Variants in GPC6 observed in about 807,000 individuals in gnomAD.
The protein encoded by GPC6 is glypican-6.
GPC6 carries 14 observed loss-of-function variants against 55.2 expected under a neutral mutation model. The observed-to-expected ratio is 0.25, with a 90% CI of 0.17 to 0.40. The LOEUF (loss-of-function observed/expected upper bound fraction) is 0.40, where lower values mean the gene tolerates loss of function less well. Ranked by LOEUF, GPC6 falls within the 10% of genes least tolerant of loss-of-function variation. GPC6 has a pLI of 1.00. For missense variants in GPC6, 641 were observed against 708.5 expected (o/e 0.90, Z 1.08); for synonymous variants, 278 against 259.6 (o/e 1.07, Z -0.68).
intron 2 of GPC6, among the ~76,000 whole-genome samples, chr13:93,594,051 G>T (rs1446865984): frequency 6.6e-6 from 1 of 152,014 alleles, no homozygotes; most frequent in Non-Finnish European, 1.5e-5. Flanking sequence ...ATAAGAAATT[G>T]CTCTAAAAAG....
intron 6 of GPC6, among the ~76,000 whole-genome samples, chr13:94,329,852 C>T (rs1197068559): frequency 1.3e-5 from 2 of 152,130 alleles, no homozygotes; most frequent in African/African-American, 4.8e-5. Context: ...AGAAATTTTA[C>T]CCTTTCCCAT....
At chr13:93,602,901 A>G (rs1335029201) in intron 2 of GPC6, among the ~76,000 whole-genome samples, 1 of 152,202 alleles carries the variant, frequency 6.6e-6, no homozygotes. Context: ...AACACCAGCT[A>G]AGTCCATGCA....
At chr13:94,341,223 A>T (rs1878017774) in intron 6 of GPC6, among the ~76,000 whole-genome samples, 1 of 152,206 alleles carries the variant, frequency 6.6e-6, no homozygotes, top group African/African-American at 2.4e-5. Flanking sequence ...TTCTCAACTC[A>T]GGCTAGTAGT....
chr13:93,554,858 C>G (rs1875372357), intron 2 of GPC6, among the ~76,000 whole-genome samples: 1 of 152,214 alleles, frequency 6.6e-6, no homozygotes, highest in Admixed American at 6.5e-5. Context: ...AATCACTCAT[C>G]ACAGTTTCAG....
intron 1 of GPC6, among the ~76,000 whole-genome samples, chr13:93,290,129 C>T (rs1878269449): frequency 6.6e-6 from 1 of 152,048 alleles, no homozygotes; most frequent in African/African-American, 2.4e-5. Flanking sequence ...CATGCAGAAC[C>T]ATTTGCTGAC....
intron 2 of GPC6, among the ~76,000 whole-genome samples, chr13:93,629,673 G>A (rs547495138): frequency 8.5e-5 from 13 of 152,266 alleles, no homozygotes; most frequent in Non-Finnish European, 1.9e-4. Flanking sequence ...GACCCCAACT[G>A]ATAAGATTCA....
intron 4 of GPC6, among the ~76,000 whole-genome samples, chr13:94,221,638 T>G (rs762927319): frequency 9.2e-5 from 14 of 152,144 alleles, no homozygotes; most frequent in Non-Finnish European, 1.6e-4. Flanking sequence ...AGAATCATGT[T>G]TGAATCCTGT....
intron 4 of GPC6, among the ~76,000 whole-genome samples, chr13:94,237,256 T>G (rs1202021848): frequency 6.6e-6 from 1 of 152,082 alleles, no homozygotes; most frequent in Admixed American, 6.6e-5. Flanking sequence ...GCAAGGCTTT[T>G]CAAGTGCCTG....
chr13:93,699,943 C>T (rs550802873), intron 2 of GPC6, among the ~76,000 whole-genome samples: 1 of 152,042 alleles, frequency 6.6e-6, no homozygotes, highest in East Asian at 1.9e-4. Context: ...ATCAGGTAAA[C>T]TCATCAAATG....
chr13:94,281,829 C>CT (rs1892392517), intron 4 of GPC6, among the ~76,000 whole-genome samples: 1 of 152,192 alleles, frequency 6.6e-6, no homozygotes, highest in South Asian at 2.1e-4. Flanking sequence ...TCACCTGAAG[C>CT]TAGCTGGTGT....
At chr13:93,839,444 T>C (rs150308978) in intron 3 of GPC6, among the ~76,000 whole-genome samples, 1 of 152,310 alleles carries the variant, frequency 6.6e-6, no homozygotes, top group African/African-American at 2.4e-5. Context: ...TTGTACTCAA[T>C]AGGATCAGGT....
At chr13:94,221,000 G>A (rs914012519) in intron 4 of GPC6, among the ~76,000 whole-genome samples, 4 of 152,010 alleles carry the variant, frequency 2.6e-5, no homozygotes, top group African/African-American at 7.2e-5. Context: ...TAAGAAGATC[G>A]GTTAGGACCC....
intron 1 of GPC6, among the ~76,000 whole-genome samples, chr13:93,384,651 T>C (rs938125127): frequency 6.6e-6 from 1 of 152,198 alleles, no homozygotes; most frequent in Non-Finnish European, 1.5e-5. Context: ...ACACTGCACA[T>C]TGTGTTCAAC....
At chr13:94,386,479 A>G (rs1302134529) in intron 7 of GPC6, among the ~76,000 whole-genome samples, 1 of 150,616 alleles carries the variant, frequency 6.6e-6, no homozygotes, top group Non-Finnish European at 1.5e-5. Flanking sequence ...AATCTTAACT[A>G]CTCAGAAGGC....
At chr13:93,405,342 C>G (rs1876246276) in intron 1 of GPC6, among the ~76,000 whole-genome samples, 1 of 152,102 alleles carries the variant, frequency 6.6e-6, no homozygotes, top group African/African-American at 2.4e-5. Flanking sequence ...AAAAATGGAC[C>G]AGATTCAGCT....
At position 93,231,217 on chromosome 13, in the gene GPC6, A is replaced by G. The variant is rs181097692; in HGVS notation, c.160+3601A>G. On this transcript the variant is annotated intron_variant, in intron 1 of 8. Transcript: ENST00000377047. ...GTTCAAACCCAGGCACTCTGACTCCAGGGTCTATATACCTAACTTGGCTCA... is the reference window on the plus strand; with the variant it reads ...GTTCAAACCCAGGCACTCTGACTCCGGGGTCTATATACCTAACTTGGCTCA... Among the ~76,000 whole-genome samples the G allele has an allele frequency of 1.3e-3, 193 of 151,174 alleles. 2 individuals carry two copies. Among genetic ancestry groups the G allele is most frequent in the African/African-American group, 4.5e-3 (186 of 41,340 alleles).
At chr13:93,677,887 T>C (rs1378464793) in intron 2 of GPC6, among the ~76,000 whole-genome samples, 3 of 152,140 alleles carry the variant, frequency 2.0e-5, no homozygotes, top group Admixed American at 2.0e-4. Context: ...CTGATACCTA[T>C]GTAACTAATT....
At chr13:94,267,408 A>T (rs984292821) in intron 4 of GPC6, among the ~76,000 whole-genome samples, 2 of 152,156 alleles carry the variant, frequency 1.3e-5, no homozygotes, top group Non-Finnish European at 2.9e-5. Context: ...TATTCTTAAG[A>T]CTTATACATA....
intron 2 of GPC6, among the ~76,000 whole-genome samples, chr13:93,751,583 G>A (rs1484301283): frequency 1.3e-5 from 2 of 152,000 alleles, no homozygotes; most frequent in African/African-American, 4.8e-5. Flanking sequence ...GTGCAGTGGT[G>A]CAATGACAGC....
Sources: allele counts gnomAD v4.1 joint callset (sites outside exome capture counted in the v4.1 genomes callset), GRCh38; gene constraint gnomAD v4.1.1; transcripts MANE v1.5; gene names NCBI Gene and HGNC (gene_info 2026-07-23, HGNC 2026-07-21).